The following RXRA variants were observed in gnomAD, a reference collection of about 807,000 sequenced individuals.
RXRA encodes the protein retinoid X receptor alpha, also known as retinoic acid receptor RXR-alpha.
RXRA carries 5 observed loss-of-function variants against 44.5 expected under a neutral mutation model. That is an observed-to-expected ratio of 0.11 (90% CI 0.06 to 0.24). RXRA has a LOEUF of 0.24. RXRA is among the 10% of genes least tolerant of loss of function. The pLI, the probability that RXRA is intolerant of heterozygous loss-of-function variation, is 1.00. For synonymous variants in RXRA, 291 were observed against 271.4 expected (o/e 1.07, Z -0.71); for missense variants, 412 against 646.5 (o/e 0.64, Z 3.93).
chr9:134,372,089 C>T (rs1220350660), intron 1 of RXRA: 5 of 152,196 alleles, frequency 3.3e-5, no homozygotes, highest in Non-Finnish European at 1.5e-5. Flanking sequence ...TGACATTAGT[C>T]TGGGCCCACG....
rs1482154122 is a variant in RXRA at position 134,349,271 on chromosome 9, G to A, written c.28+22612G>A. On this transcript the variant is annotated intron_variant, in intron 1 of 9. Coordinates refer to ENST00000481739, the MANE Select transcript of RXRA (RefSeq NM_002957.6). The surrounding 1 kb of genome is among the most constrained non-coding windows in gnomAD (Gnocchi z 4.3). ...CTTCCTCATGCTGGGCACATGGGGA[G>A]CCCTGCTGACCCCTGTTCTGCACCT... Among the ~76,000 whole-genome samples, 1 of 152,186 alleles carries A rather than the reference G, an allele frequency of 6.6e-6. No homozygotes were observed. The highest frequency in any genetic ancestry group is 1.5e-5 in the Non-Finnish European group (1 of 68,034).
intron 4 of RXRA, among the ~76,000 whole-genome samples, chr9:134,415,157 C>T (rs1048192651): frequency 6.6e-6 from 1 of 152,246 alleles, no homozygotes; most frequent in Non-Finnish European, 1.5e-5. Flanking sequence ...CTGAGTCTCC[C>T]TGTGTGGGCG....
intron 1 of RXRA, among the ~76,000 whole-genome samples, chr9:134,380,513 T>C (rs928436446): frequency 1.7e-4 from 26 of 152,114 alleles, no homozygotes; most frequent in African/African-American, 6.0e-4. Context: ...GGGAGGAGGC[T>C]GCAGGCTGGG....
At chr9:134,344,202 ACCCTGC>A (rs1830121132) in intron 1 of RXRA, among the ~76,000 whole-genome samples, 1 of 151,900 alleles carries the variant, frequency 6.6e-6, no homozygotes, top group South Asian at 2.1e-4. Flanking sequence ...GTCTGCCCCC[ACCCTGC>A]CCTGGGCCTC....
intron 1 of RXRA, among the ~76,000 whole-genome samples, chr9:134,334,055 G>T (rs1835047869): frequency 6.6e-6 from 1 of 152,252 alleles, no homozygotes; most frequent in South Asian, 2.1e-4. Flanking sequence ...AAGCCTGCTG[G>T]GTCTGTGCCT....
Position 134,408,139 on chromosome 9 carries a change from C to A in RXRA, c.280-10C>A, listed in dbSNP as rs536257685. On this transcript the variant is annotated splice_polypyrimidine_tract_variant and intron_variant, in intron 2 of 9. Coordinates refer to ENST00000481739, the MANE Select transcript of RXRA (RefSeq NM_002957.6). ...TACACCCCGCTGACTGCTGTGGTTG[C>A]CCCCCCCAGCTCAGCTCACCTATGA... The A allele has an allele frequency of 1.4e-6, 2 of 1,431,994 alleles. No individual in the cohort carries two copies. Among genetic ancestry groups the A allele is most frequent in the Non-Finnish European group, 1.8e-6 (2 of 1,103,218 alleles). The allele number at this position is 1,431,994 out of a possible 1,614,324, so 88.7% of individuals were successfully genotyped here. A position where few individuals can be genotyped will look rare whatever the true frequency, so the allele number is the denominator to read the frequency against.
chr9:134,396,353 G>T (rs1238157936), intron 1 of RXRA, among the ~76,000 whole-genome samples: 1 of 152,076 alleles, frequency 6.6e-6, no homozygotes, highest in East Asian at 1.9e-4. Context: ...ACGCGCCGTG[G>T]TCCCTGCCAC....
Position 134,326,677 on chromosome 9 carries a change from CGGGCGG to C in RXRA, c.28+21_28+26del. 1.1e-6 allele frequency: 1 copy of C among 875,398 alleles called. No homozygotes were observed. Among genetic ancestry groups the C allele is most frequent in the Non-Finnish European group, 1.4e-6 (1 of 735,620 alleles). 54.2% of individuals were successfully genotyped at this position (875,398 alleles called of 1,614,324 possible). On this transcript the variant is annotated intron_variant, in intron 1 of 9. Coordinates refer to ENST00000481739, the MANE Select transcript of RXRA (RefSeq NM_002957.6). ...GCCGCTCGGTGAGTGCTCGCCGGGC[CGGGCGG>C]GGACGGGGCCGGGGGCCGGGGGCCG...
chr9:134,407,150 T>C lies in RXRA; in HGVS notation c.280-999T>C, dbSNP rs979508387. The stretch of plus-strand genomic sequence containing the variant: ...AACAAGCTGGGGCTGGAAGACTCAT[T>C]CCAGGCACCGAGGTCCATGTGAAAG... On this transcript the variant is annotated intron_variant, in intron 2 of 9. Coordinates refer to ENST00000481739, the MANE Select transcript of RXRA (RefSeq NM_002957.6). This position sits in a 1 kb window ranked among gnomAD's most constrained non-coding sequence, Gnocchi z 4.8. Among the ~76,000 whole-genome samples, 3 of 152,202 alleles carry C rather than the reference T, an allele frequency of 2.0e-5. No homozygotes were observed. Among genetic ancestry groups the C allele is most frequent in the African/African-American group, 7.2e-5 (3 of 41,450 alleles).
chr9:134,388,413 C>T (rs1017177122), intron 1 of RXRA, among the ~76,000 whole-genome samples: 1 of 152,198 alleles, frequency 6.6e-6, no homozygotes, highest in African/African-American at 2.4e-5. Flanking sequence ...CTGGGAATGA[C>T]TTGGGATGTT....
At position 134,366,798 on chromosome 9, in the gene RXRA, G is replaced by T. The variant is rs139646354; in HGVS notation, c.29-34834G>T. Among the ~76,000 whole-genome samples the T allele has an allele frequency of 6.6e-6, 1 of 152,202 alleles. No individual in the cohort carries two copies. Among genetic ancestry groups the T allele is most frequent in the Non-Finnish European group, 1.5e-5 (1 of 68,038 alleles). Reference sequence around the variant, plus strand: ...CATGTTTCACGTAGGCCACCCTAAGGTCCACAGATGCCTGGGGACAAGGAT... The same window carrying T: ...CATGTTTCACGTAGGCCACCCTAAGTTCCACAGATGCCTGGGGACAAGGAT... On this transcript the variant is annotated intron_variant, in intron 1 of 9. Transcript: ENST00000481739. This position sits in a 1 kb window ranked among gnomAD's most constrained non-coding sequence, Gnocchi z 5.9.
chr9:134,423,141 C>T (rs985504959), intron 6 of RXRA: 5 of 985,340 alleles, frequency 5.1e-6, no homozygotes, highest in Non-Finnish European at 1.2e-6. Flanking sequence ...GAGGGGCGTG[C>T]TGACTGGGGC....
rs1231945149 is a variant in RXRA, at chr9:134,343,354, C to CT, written c.28+16698dup. ...TGGGGTTGCCTCTGAACCTCAGTGTCTTTGAGGGCTGGGAGGAGGAGTTTC... is the reference window on the plus strand; with the variant it reads ...TGGGGTTGCCTCTGAACCTCAGTGTCTTTTGAGGGCTGGGAGGAGGAGTTTC... On this transcript the variant is annotated intron_variant, in intron 1 of 9. Coordinates refer to ENST00000481739, the MANE Select transcript of RXRA (RefSeq NM_002957.6). This position sits in a 1 kb window ranked among gnomAD's most constrained non-coding sequence, Gnocchi z 4.1. 6.6e-6 allele frequency among the ~76,000 whole-genome samples: 1 copy of CT among 152,090 alleles called. No individual in the cohort carries two copies. The highest frequency in any genetic ancestry group is 1.5e-5 in the Non-Finnish European group (1 of 68,028).
rs1214254224 is a variant in RXRA, at chr9:134,401,759, C to T, written c.156C>T (p.Ser52=). 6.2e-7 allele frequency: 1 copy of T among 1,613,270 alleles called. No homozygotes were observed. The part of the protein sequence containing the change: ...GSPGQLHSPI[S]TLSSPINGMG... ...CGGGACAGCTGCATTCTCCCATCAGCACCCTGAGCTCCCCCATCAACGGCA... is the reference window on the plus strand; with the variant it reads ...CGGGACAGCTGCATTCTCCCATCAGTACCCTGAGCTCCCCCATCAACGGCA... Residue 52 remains serine (S), a synonymous_variant, in exon 2 of 10, where the codon AGC becomes AGT. Transcript: ENST00000481739.
chr9:134,384,062 C>T (rs1325198440), intron 1 of RXRA, among the ~76,000 whole-genome samples: 1 of 152,130 alleles, frequency 6.6e-6, no homozygotes, highest in African/African-American at 2.4e-5. Context: ...AGTCCCAGAC[C>T]CTCCACACTG....
intron 1 of RXRA, among the ~76,000 whole-genome samples, chr9:134,381,884 A>T (rs1346515242): frequency 6.6e-6 from 1 of 151,774 alleles, no homozygotes; most frequent in African/African-American, 2.4e-5. Context: ...GGCCCACAGG[A>T]TGAGTTGGAT....
chr9:134,387,772 G>A (rs1175502105), intron 1 of RXRA, among the ~76,000 whole-genome samples: 1 of 152,218 alleles, frequency 6.6e-6, no homozygotes, highest in Non-Finnish European at 1.5e-5. Context: ...ACTAGCTGGT[G>A]ACCATGAGCC....
intron 1 of RXRA, among the ~76,000 whole-genome samples, chr9:134,362,369 C>T (rs1830362685): frequency 6.6e-6 from 1 of 152,220 alleles, no homozygotes. Flanking sequence ...AGGGGCATCT[C>T]TTAGGCCCGC....
intron 1 of RXRA, among the ~76,000 whole-genome samples, chr9:134,396,708 G>A (rs974571171): frequency 1.3e-5 from 2 of 152,096 alleles, no homozygotes; most frequent in African/African-American, 4.8e-5. Flanking sequence ...TGGAGCCCAC[G>A]GGACCCTACC....
Sources: gnomAD v4.1 joint callset for allele counts (sites outside exome capture counted in the v4.1 genomes callset) on GRCh38, gnomAD v4.1.1 for gene constraint, Gnocchi (gnomAD v3.1) non-coding constraint, MANE v1.5 for transcripts, NCBI Gene and HGNC (gene_info 2026-07-23, HGNC 2026-07-21) for gene names.